Variants in CFTR observed in about 807,000 individuals in gnomAD.
The protein encoded by CFTR is cystic fibrosis transmembrane conductance regulator.
A neutral mutation model predicts 171.6 loss-of-function variants in CFTR; 181 were observed. That is an observed-to-expected ratio of 1.05 (90% confidence interval 0.93 to 1.19). The LOEUF (loss-of-function observed/expected upper bound fraction) is 1.19, where lower values mean the gene tolerates loss of function less well. CFTR is among the 50% of genes most tolerant of loss of function. The probability of loss-of-function intolerance (pLI) is 0.00; values close to 1 mark genes in which losing one functional copy is unlikely to be tolerated. For missense variants in CFTR, 1,968 were observed against 1,734.7 expected (o/e 1.13, Z -2.39); for synonymous variants, 583 against 608.0 (o/e 0.96, Z 0.60).
chr7:117,587,794 C>T lies in CFTR; in HGVS notation c.1640C>T (p.Thr547Ile), dbSNP rs1429531030. 3.7e-6 allele frequency: 6 copies of T among 1,611,470 alleles called. No homozygotes were observed. In the South Asian group the frequency reaches 6.6e-5, roughly 18 times the overall value. The change falls in exon 12 of 27, where the codon ACA becomes ATA. Residue 547 changes from threonine (T) to isoleucine (I), a missense_variant. Transcript: ENST00000003084. ...ATAGTTCTTGGAGAAGGTGGAATCA[C>T]ACTGAGTGGAGGTCAACGAGCAAGA... is the stretch of plus-strand genomic sequence containing the variant. ...DNIVLGEGGITLSGGQRARIS... is the reference protein window; with the variant it reads ...DNIVLGEGGIILSGGQRARIS...
intron 3 of CFTR, among the ~76,000 whole-genome samples, chr7:117,524,863 A>G (rs902584662): frequency 6.6e-6 from 1 of 152,206 alleles, no homozygotes; most frequent in African/African-American, 2.4e-5. Flanking sequence ...AATGTGAAAA[A>G]CACAGTGTTA....
At chr7:117,485,371 A>G (rs1297115083) in intron 1 of CFTR, among the ~76,000 whole-genome samples, 2 of 152,208 alleles carry the variant, frequency 1.3e-5, no homozygotes, top group Non-Finnish European at 2.9e-5. Context: ...AGATGCAATG[A>G]GGTCAAAAGG....
intron 11 of CFTR, among the ~76,000 whole-genome samples, chr7:117,584,919 T>G (rs907391298): frequency 1.5e-4 from 7 of 46,572 alleles, no homozygotes; most frequent in African/African-American, 2.2e-4. Context: ...GTATTTTAGT[T>G]TTTTTTTTTT....
chr7:117,637,641 C>G (rs1243373346), intron 22 of CFTR, among the ~76,000 whole-genome samples: 1 of 152,114 alleles, frequency 6.6e-6, no homozygotes, highest in Admixed American at 6.5e-5. Flanking sequence ...CTTTGGGAGG[C>G]TAAGGCAGGT....
At chr7:117,571,439 A>T (rs1352215922) in intron 11 of CFTR, among the ~76,000 whole-genome samples, 1 of 152,150 alleles carries the variant, frequency 6.6e-6, no homozygotes, top group Admixed American at 6.5e-5. Context: ...GGAGATAGTT[A>T]AGGAATTAGC....
At position 117,612,038 on chromosome 7, in the gene CFTR, T is replaced by C. The variant is rs1205317030; in HGVS notation, c.3367+230T>C. On this transcript the variant is annotated intron_variant, in intron 20 of 26. Coordinates refer to ENST00000003084, the MANE Select transcript of CFTR (RefSeq NM_000492.4). ...ATATATATATGTATATATATATATA[T>C]ATATATATATATATACATATATATA... Among the ~76,000 whole-genome samples, 3 of 77,582 alleles carry C rather than the reference T, an allele frequency of 3.9e-5. 1 individual carries two copies. Among genetic ancestry groups the C allele is most frequent in the Non-Finnish European group, 8.0e-5 (3 of 37,574 alleles). The allele number at this position is 77,582 out of a possible 152,430, so 50.9% of individuals were successfully genotyped here.
intron 1 of CFTR, among the ~76,000 whole-genome samples, chr7:117,492,172 A>C (rs1798169686): frequency 6.6e-6 from 1 of 152,044 alleles, no homozygotes; most frequent in Non-Finnish European, 1.5e-5. Flanking sequence ...ATAATGGAGA[A>C]GGTTGCATAT....
chr7:117,618,397 C>T (rs539292204), intron 21 of CFTR, among the ~76,000 whole-genome samples: 1 of 151,956 alleles, frequency 6.6e-6, no homozygotes, highest in Non-Finnish European at 1.5e-5. Flanking sequence ...ACAAGAATCG[C>T]TTGAACCTGG....
At chr7:117,532,383 C>T (rs1482069496) in intron 4 of CFTR, among the ~76,000 whole-genome samples, 1 of 152,164 alleles carries the variant, frequency 6.6e-6, no homozygotes, top group Non-Finnish European at 1.5e-5. Flanking sequence ...ATTTGATCTT[C>T]TGCACAACTA....
At chr7:117,578,635 T>C (rs1249282975) in intron 11 of CFTR, among the ~76,000 whole-genome samples, 2 of 152,228 alleles carry the variant, frequency 1.3e-5, no homozygotes, top group African/African-American at 2.4e-5. Flanking sequence ...TCTGGTTAGA[T>C]GTACTATATT....
At chr7:117,514,030 C>T (rs575265034) in intron 3 of CFTR, among the ~76,000 whole-genome samples, 1 of 152,210 alleles carries the variant, frequency 6.6e-6, no homozygotes, top group Admixed American at 6.5e-5. Flanking sequence ...GAAATATTCC[C>T]CAAGCGATTC....
chr7:117,664,301 A>G lies in CFTR; in HGVS notation c.3964-387A>G, dbSNP rs112451966. Among the ~76,000 whole-genome samples, 332 of 152,278 alleles carry G rather than the reference A, an allele frequency of 2.2e-3. 1 individual carries two copies. Among genetic ancestry groups the G allele is most frequent in the African/African-American group, 7.7e-3 (321 of 41,572 alleles). ...TGTCATACTAGAGGGCATATCTGCA[A>G]TGTATACATATTATCTTTTCCAGCA... On this transcript the variant is annotated intron_variant, in intron 24 of 26. Coordinates refer to ENST00000003084, the MANE Select transcript of CFTR (RefSeq NM_000492.4).
At chr7:117,601,532 G>C (rs1792225095) in intron 15 of CFTR, among the ~76,000 whole-genome samples, 1 of 151,842 alleles carries the variant, frequency 6.6e-6, no homozygotes, top group Non-Finnish European at 1.5e-5. Context: ...ATAAACTTAA[G>C]TACTGTTAAA....
At chr7:117,602,754 T>C in intron 15 of CFTR, 72 bp from the exon 16 acceptor site, 2 of 1,192,602 alleles carry the variant, frequency 1.7e-6, no homozygotes, top group Admixed American at 1.7e-5. Flanking sequence ...GTGATGTGAA[T>C]TTAGATGTGG....
At chr7:117,497,976 G>A (rs890310927) in intron 1 of CFTR, among the ~76,000 whole-genome samples, 3 of 151,904 alleles carry the variant, frequency 2.0e-5, no homozygotes, top group African/African-American at 4.8e-5. Context: ...CTTAACATAC[G>A]TCTGTTCCTA....
Position 117,536,749 on chromosome 7 carries a change from A to G in CFTR, c.869+76A>G, listed in dbSNP as rs942196723. ...TTTAAAAATATGTTTATCATGGTAG[A>G]CTTCCACCTCATATTTGATGTTTGT... On this transcript the variant is annotated intron_variant, in intron 7 of 26. Coordinates refer to ENST00000003084, the MANE Select transcript of CFTR (RefSeq NM_000492.4). 5.0e-6 allele frequency: 6 copies of G among 1,194,020 alleles called. No homozygotes were observed. The African/African-American group carries it at 7.5e-5, about 15-fold the overall frequency. 74.0% of individuals were successfully genotyped at this position (1,194,020 alleles called of 1,614,324 possible). A position where few individuals can be genotyped will look rare whatever the true frequency, so the allele number is the denominator to read the frequency against.
intron 1 of CFTR, among the ~76,000 whole-genome samples, chr7:117,492,942 G>A (rs1798184408): frequency 6.6e-6 from 1 of 151,800 alleles, no homozygotes; most frequent in Non-Finnish European, 1.5e-5. Flanking sequence ...AGTGTGATGT[G>A]GTTGAACCAA....
Position 117,610,153 on chromosome 7 carries a change from G to T in CFTR, c.2989-366G>T, listed in dbSNP as rs932658334. Reference sequence around the variant, plus strand: ...TCGCAAGAACAAAAAACCAAACACCGCATATTCTCACTCATAGGTGGGAAT... The same window carrying T: ...TCGCAAGAACAAAAAACCAAACACCTCATATTCTCACTCATAGGTGGGAAT... On this transcript the variant is annotated intron_variant, in intron 18 of 26. Coordinates refer to ENST00000003084, the MANE Select transcript of CFTR (RefSeq NM_000492.4). 7.0e-5 allele frequency among the ~76,000 whole-genome samples: 10 copies of T among 142,884 alleles called. No individual in the cohort carries two copies. In the Admixed American group the frequency reaches 7.5e-4, roughly 11 times the overall value. 93.7% of individuals were successfully genotyped at this position (142,884 alleles called of 152,430 possible).
chr7:117,639,610 T>C (rs1430284424), intron 22 of CFTR, among the ~76,000 whole-genome samples: 1 of 152,216 alleles, frequency 6.6e-6, no homozygotes, highest in African/African-American at 2.4e-5. Flanking sequence ...TCTCCATTTG[T>C]AGTCTCTTGA....
Sources: gnomAD v4.1 joint callset for allele counts (sites outside exome capture counted in the v4.1 genomes callset) on GRCh38, gnomAD v4.1.1 for gene constraint, MANE v1.5 for transcripts, NCBI Gene and HGNC (gene_info 2026-07-23, HGNC 2026-07-21) for gene names.